Variants in HSD17B12 observed in about 807,000 individuals in gnomAD.
HSD17B12 encodes very-long-chain 3-oxoacyl-CoA reductase.
In HSD17B12, 32 loss-of-function variants were observed where a neutral mutation model predicts 39.3. The observed-to-expected ratio is 0.81, with a 90% CI of 0.61 to 1.09. The LOEUF is 1.09. Ranked by LOEUF, HSD17B12 falls within the 50% of genes least tolerant of loss-of-function variation. The pLI is 0.00. For synonymous variants in HSD17B12, 150 were observed against 146.7 expected (o/e 1.02, Z -0.16); for missense variants, 342 against 382.9 (o/e 0.89, Z 0.89).
chr11:43,612,968 C>G, the HSD17B12 span, among the ~76,000 whole-genome samples: 3 of 152,176 alleles, frequency 2.0e-5, no homozygotes, highest in Non-Finnish European at 4.4e-5. Context: ...ATTTGAGGGA[C>G]AGTAGGCCAG....
the HSD17B12 span, among the ~76,000 whole-genome samples, chr11:43,613,769 C>T: frequency 2.6e-5 from 4 of 151,846 alleles, no homozygotes; most frequent in Non-Finnish European, 4.4e-5. Context: ...TGGGTTCAAG[C>T]GATTCCCCTG....
the HSD17B12 span, among the ~76,000 whole-genome samples, chr11:43,614,262 T>G: frequency 6.6e-6 from 1 of 152,250 alleles, no homozygotes; most frequent in Admixed American, 6.5e-5. Context: ...AAGTAGATTT[T>G]CATTGGATAT....
Position 43,765,187 on chromosome 11 carries a change from G to C in HSD17B12, c.283+11066G>C, listed in dbSNP as rs576673199. On this transcript the variant is annotated intron_variant, in intron 3 of 10. Transcript: ENST00000278353. Reference sequence around the variant, plus strand: ...TATTTCCCTTTTCCCCTGTCTGAAGGTCTTCCTTTAACATTTCTTGTAGTC... The same window carrying C: ...TATTTCCCTTTTCCCCTGTCTGAAGCTCTTCCTTTAACATTTCTTGTAGTC... Among the ~76,000 whole-genome samples, 9 of 151,174 alleles carry C rather than the reference G, an allele frequency of 6.0e-5. No individual in the cohort carries two copies. The South Asian group carries it at 1.9e-3, about 31-fold the overall frequency.
the HSD17B12 span, among the ~76,000 whole-genome samples, chr11:43,587,039 G>A: frequency 3.8e-3 from 572 of 152,254 alleles, 5 homozygotes; most frequent in African/African-American, 0.013. Flanking sequence ...GCTGACAAGC[G>A]GTGGAAAGAA....
At chr11:43,593,466 C>T in the HSD17B12 span, among the ~76,000 whole-genome samples, 3 of 152,124 alleles carry the variant, frequency 2.0e-5, no homozygotes, top group African/African-American at 7.2e-5. Context: ...CTGTGTCTGA[C>T]AATGCTAAAT....
the HSD17B12 span, among the ~76,000 whole-genome samples, chr11:43,663,423 A>G: frequency 2.6e-5 from 4 of 151,996 alleles, no homozygotes; most frequent in East Asian, 3.9e-4. Flanking sequence ...TTATAGAGAT[A>G]GTCTCACCAT....
At chr11:43,639,655 C>T in the HSD17B12 span, among the ~76,000 whole-genome samples, 1 of 151,722 alleles carries the variant, frequency 6.6e-6, no homozygotes, top group Admixed American at 6.6e-5. Flanking sequence ...ACAAAAGTCA[C>T]ATCCTTCAGG....
At chr11:43,823,321 A>G (rs920424572) in intron 6 of HSD17B12, among the ~76,000 whole-genome samples, 3 of 151,994 alleles carry the variant, frequency 2.0e-5, no homozygotes, top group African/African-American at 7.2e-5. Flanking sequence ...CCCAGGATGG[A>G]GTGCAGTGAC....
At chr11:43,668,297 C>T in the HSD17B12 span, among the ~76,000 whole-genome samples, 1 of 152,166 alleles carries the variant, frequency 6.6e-6, no homozygotes, top group African/African-American at 2.4e-5. Context: ...ACCCGTCCTC[C>T]ATCTTCAGAC....
the HSD17B12 span, among the ~76,000 whole-genome samples, chr11:43,625,261 A>T: frequency 6.6e-5 from 10 of 151,736 alleles, no homozygotes; most frequent in Middle Eastern, 7.3e-3. Context: ...ATACTTGAGA[A>T]ACTCTTCAAG....
At chr11:43,669,167 C>T in the HSD17B12 span, among the ~76,000 whole-genome samples, 48,727 of 151,634 alleles carry the variant, frequency 0.32, 8,006 homozygotes, top group African/African-American at 0.36. Flanking sequence ...TTAGGTCTAC[C>T]GCAACAAGGT....
At chr11:43,751,339 C>T (rs1950462932) in intron 2 of HSD17B12, among the ~76,000 whole-genome samples, 1 of 152,140 alleles carries the variant, frequency 6.6e-6, no homozygotes, top group Non-Finnish European at 1.5e-5. Context: ...TCCATGACAT[C>T]ATTTTCACAA....
At chr11:43,565,422 A>C in the HSD17B12 span, among the ~76,000 whole-genome samples, 9 of 152,316 alleles carry the variant, frequency 5.9e-5, no homozygotes, top group East Asian at 5.8e-4. Flanking sequence ...GATGTGAGCT[A>C]TACAGCCTCT....
chr11:43,794,605 T>C (rs927074111), intron 3 of HSD17B12, among the ~76,000 whole-genome samples: 1 of 152,180 alleles, frequency 6.6e-6, no homozygotes, highest in African/African-American at 2.4e-5. Context: ...AGCTGTCCAA[T>C]CACTTTAAAC....
intron 1 of HSD17B12, among the ~76,000 whole-genome samples, chr11:43,728,152 G>A (rs1017708505): frequency 6.6e-6 from 1 of 151,810 alleles, no homozygotes; most frequent in Non-Finnish European, 1.5e-5. Flanking sequence ...TGCAACCTCC[G>A]CTTCCTGGGT....
At chr11:43,781,635 C>T (rs1336845302) in intron 3 of HSD17B12, among the ~76,000 whole-genome samples, 1 of 151,932 alleles carries the variant, frequency 6.6e-6, no homozygotes, top group Admixed American at 6.6e-5. Context: ...ACGTTTATTC[C>T]TACAAAAATA....
the HSD17B12 span, among the ~76,000 whole-genome samples, chr11:43,675,100 T>G: frequency 6.6e-6 from 1 of 152,210 alleles, no homozygotes; most frequent in African/African-American, 2.4e-5. Context: ...TAGCTAAAGA[T>G]ACAGTGGTGA....
intron 1 of HSD17B12, among the ~76,000 whole-genome samples, chr11:43,690,773 C>G (rs577034242): frequency 1.6e-4 from 25 of 152,092 alleles, no homozygotes; most frequent in Non-Finnish European, 3.4e-4. Flanking sequence ...GTGTTATCAC[C>G]TTAACTTCTG....
intron 6 of HSD17B12, among the ~76,000 whole-genome samples, chr11:43,822,908 C>A (rs1319480404): frequency 2.0e-5 from 3 of 152,176 alleles, no homozygotes; most frequent in Non-Finnish European, 4.4e-5. Context: ...AATCGCCACA[C>A]TGACTTCCAC....
Sources: allele counts gnomAD v4.1 joint callset (sites outside exome capture counted in the v4.1 genomes callset), GRCh38; gene constraint gnomAD v4.1.1; transcripts MANE v1.5; gene names NCBI Gene and HGNC (gene_info 2026-07-23, HGNC 2026-07-21).